Variants in ERCC6L2 observed in about 807,000 individuals in gnomAD.
ERCC6L2 encodes DNA excision repair protein ERCC-6-like 2.
In ERCC6L2, 77 loss-of-function variants were observed where a neutral mutation model predicts 132.0. The ratio of observed to expected loss-of-function variants is 0.58; its 90% CI spans 0.49 to 0.71. The LOEUF (loss-of-function observed/expected upper bound fraction) is 0.71, where lower values mean the gene tolerates loss of function less well. Among genes scored for constraint, ERCC6L2 ranks in the 30% least tolerant of loss-of-function variants. ERCC6L2 has a pLI of 0.00. For missense variants in ERCC6L2, 1,542 were observed against 1,837.6 expected, an observed-to-expected ratio of 0.84 and a Z score of 2.94; for synonymous variants, 583 against 632.4, an observed-to-expected ratio of 0.92 and a Z score of 1.17.
chr9:96,022,944 C>G (rs1037687666), downstream of ERCC6L2, among the ~76,000 whole-genome samples: 2 of 152,210 alleles, frequency 1.3e-5, no homozygotes, highest in African/African-American at 2.4e-5. Context: ...AGCGCGCTCT[C>G]CCGTCCCTCA....
intron 2 of ERCC6L2, among the ~76,000 whole-genome samples, chr9:95,884,272 C>T (rs1474352225): frequency 3.3e-5 from 5 of 151,994 alleles, no homozygotes; most frequent in Non-Finnish European, 7.4e-5. Context: ...TGTTGTAACT[C>T]AGGGAATAAT....
intron 1 of ERCC6L2, among the ~76,000 whole-genome samples, chr9:95,879,401 C>G (rs1827470428): frequency 6.6e-6 from 1 of 152,106 alleles, no homozygotes; most frequent in Admixed American, 6.5e-5. Context: ...TAAAATAAGT[C>G]TTAAGAAATG....
At chr9:96,024,765 T>C (rs1436207490) in intron 19 of ERCC6L2, among the ~76,000 whole-genome samples, 3 of 152,178 alleles carry the variant, frequency 2.0e-5, no homozygotes, top group Non-Finnish European at 4.4e-5. Flanking sequence ...TCCCGTTGGG[T>C]TATCCTTGGG....
intron 2 of ERCC6L2, among the ~76,000 whole-genome samples, chr9:95,897,525 AGAG>A (rs1295326529): frequency 6.6e-6 from 1 of 152,208 alleles, no homozygotes; most frequent in Admixed American, 6.5e-5. Context: ...TTATTCTGAT[AGAG>A]GATACGAAGA....
chr9:95,907,827 ACAC>A (rs1203195454), intron 4 of ERCC6L2, among the ~76,000 whole-genome samples: 1 of 111,178 alleles, frequency 9.0e-6, no homozygotes, highest in Non-Finnish European at 1.7e-5. Context: ...GGCAAAAACT[ACAC>A]ACACACACAC....
intron 19 of ERCC6L2, among the ~76,000 whole-genome samples, chr9:96,037,259 C>T (rs1173125377): frequency 6.6e-6 from 1 of 152,154 alleles, no homozygotes; most frequent in Non-Finnish European, 1.5e-5. Flanking sequence ...GAAAAGCAGT[C>T]GGAGCTGCTA....
intron 9 of ERCC6L2, 94 bp downstream of exon 9, chr9:95,923,473 T>C: frequency 7.1e-7 from 1 of 1,406,390 alleles, no homozygotes; most frequent in Non-Finnish European, 9.7e-7. Context: ...GAACAGGTGC[T>C]CAGTCATTCA....
chr9:95,918,375 A>G (rs1829701389), intron 6 of ERCC6L2: 1 of 362,062 alleles, frequency 2.8e-6, no homozygotes, highest in Non-Finnish European at 5.5e-6. Flanking sequence ...GGGTGCACAG[A>G]TTTTATTTGA....
intron 12 of ERCC6L2, among the ~76,000 whole-genome samples, chr9:95,955,421 A>C (rs1831551707): frequency 6.6e-6 from 1 of 151,980 alleles, no homozygotes; most frequent in South Asian, 2.1e-4. Context: ...TAAAACCATC[A>C]CCACAATTAA....
chr9:95,927,972 A>T (rs1282060337), intron 9 of ERCC6L2, 107 bp from the exon 10 acceptor site: 2 of 744,770 alleles, frequency 2.7e-6, no homozygotes, highest in Non-Finnish European at 4.7e-6. Context: ...GAATGAGGTT[A>T]GTATTGTATG....
Position 96,029,645 on chromosome 9 carries a change from T to C in ERCC6L2, c.*1504-9231T>C, listed in dbSNP as rs200069204. On this transcript the variant is annotated intron_variant and NMD_transcript_variant, in intron 19 of 20. Coordinates refer to the ERCC6L2 transcript ENST00000670016. ...GTGTTGATTTCAGGACCAATAGAAA[T>C]TGAATGATACACCAAGTCGTCTTAG... is the stretch of plus-strand genomic sequence containing the variant. 1.1e-4 allele frequency among the ~76,000 whole-genome samples: 16 copies of C among 152,350 alleles called. No individual in the cohort carries two copies. In the East Asian group the frequency reaches 2.5e-3, roughly 24 times the overall value.
intron 16 of ERCC6L2, among the ~76,000 whole-genome samples, chr9:95,973,810 AATATT>A (rs1832541437): frequency 6.6e-6 from 1 of 152,108 alleles, no homozygotes; most frequent in Non-Finnish European, 1.5e-5. Flanking sequence ...ATTTTGTAAA[AATATT>A]ATATAGTCTT....
chr9:95,945,220 T>C (rs113867969), intron 12 of ERCC6L2, among the ~76,000 whole-genome samples: 14,588 of 152,224 alleles, frequency 0.096, 798 homozygotes, highest in Admixed American at 0.14. Context: ...GGGATGTTCC[T>C]TGCTGAGAAA....
chr9:95,938,986 T>C (rs1830677920), intron 11 of ERCC6L2, among the ~76,000 whole-genome samples: 1 of 152,108 alleles, frequency 6.6e-6, no homozygotes, highest in Admixed American at 6.6e-5. Flanking sequence ...GGTATTTACA[T>C]TGTACATAGT....
At chr9:95,879,316 A>G (rs1411907266) in intron 1 of ERCC6L2, among the ~76,000 whole-genome samples, 1 of 152,206 alleles carries the variant, frequency 6.6e-6, no homozygotes, top group Non-Finnish European at 1.5e-5. Flanking sequence ...AGTTTTCTTC[A>G]TTTTATACCC....
intron 19 of ERCC6L2, among the ~76,000 whole-genome samples, chr9:96,036,773 A>ATTT (rs1217415207): frequency 8.2e-6 from 1 of 122,096 alleles, no homozygotes; most frequent in East Asian, 2.5e-4. Context: ...ATTTTTATTT[A>ATTT]TTTTTTTTTT....
downstream of ERCC6L2, chr9:96,021,346 G>A: frequency 3.0e-6 from 1 of 328,438 alleles, no homozygotes; most frequent in South Asian, 2.3e-5. The surrounding 1 kb of genome is among the most constrained non-coding windows in gnomAD (Gnocchi z 4.7). Flanking sequence ...GGGAAAGCGA[G>A]TTCTCCAGGA....
At position 95,876,237 on chromosome 9, in the gene ERCC6L2, A is replaced by G. The variant is rs559396641; in HGVS notation, c.46+153A>G. ...TGAACCCCTCCAGGCCTGGAACCAA[A>G]TCTCCGATTCAGTGTTGAGAACCTG... is the stretch of plus-strand genomic sequence containing the variant. On this transcript the variant is annotated intron_variant, in intron 1 of 18. Transcript: ENST00000653738. The G allele has an allele frequency of 8.0e-6, 5 of 625,838 alleles. No homozygotes were observed. In the South Asian group the frequency reaches 9.7e-5, roughly 12 times the overall value. 38.8% of individuals were successfully genotyped at this position (625,838 alleles called of 1,614,324 possible). A position where few individuals can be genotyped will look rare whatever the true frequency, so the allele number is the denominator to read the frequency against.
chr9:96,008,217 G>T (rs1833922804), intron 18 of ERCC6L2, among the ~76,000 whole-genome samples: 1 of 152,070 alleles, frequency 6.6e-6, no homozygotes, highest in South Asian at 2.1e-4. Context: ...TGGGACACTG[G>T]TTTGTTCTGT....
Sources: allele counts gnomAD v4.1 joint callset (sites outside exome capture counted in the v4.1 genomes callset), GRCh38; gene constraint gnomAD v4.1.1; non-coding constraint Gnocchi (gnomAD v3.1); transcripts MANE v1.5; gene names NCBI Gene and HGNC (gene_info 2026-07-23, HGNC 2026-07-21).